PLEKHG1: variants seen among roughly 807,000 people sequenced by gnomAD.
PLEKHG1 encodes the protein pleckstrin homology domain-containing family G member 1.
PLEKHG1 carries 44 observed loss-of-function variants against 100.8 expected under a neutral mutation model. The observed-to-expected ratio is 0.44, with a 90% CI of 0.34 to 0.56. The LOEUF is 0.56. Among genes scored for constraint, PLEKHG1 ranks in the 20% least tolerant of loss-of-function variants. The pLI, the probability that PLEKHG1 is intolerant of heterozygous loss-of-function variation, is 0.01. For synonymous variants in PLEKHG1, 640 were observed against 662.5 expected, an observed-to-expected ratio of 0.97 and a Z score of 0.52; for missense variants, 1,545 against 1,720.9, an observed-to-expected ratio of 0.90 and a Z score of 1.81.
chr6:150,809,182 C>T (rs1235083310), exon 8 of PLEKHG1: 2 of 1,613,468 alleles, frequency 1.2e-6, no homozygotes, highest in South Asian at 1.1e-5. Flanking sequence ...AGGGAACCTT[C>T]CGCATCCAGC....
At chr6:150,817,827 G>C (rs1274959330) in intron 10 of PLEKHG1, among the ~76,000 whole-genome samples, 1 of 152,074 alleles carries the variant, frequency 6.6e-6, no homozygotes, top group Non-Finnish European at 1.5e-5. Context: ...CTCCCAAAGT[G>C]CTGGGATTAC....
chr6:150,779,732 C>T (rs1350615906), intron 3 of PLEKHG1, among the ~76,000 whole-genome samples: 4 of 151,524 alleles, frequency 2.6e-5, no homozygotes, highest in Non-Finnish European at 4.4e-5. Flanking sequence ...TTTGGGAGGC[C>T]GAGGCTGGCA....
intron 2 of PLEKHG1, among the ~76,000 whole-genome samples, chr6:150,642,894 A>G (rs924795562): frequency 2.0e-5 from 3 of 152,256 alleles, no homozygotes; most frequent in African/African-American, 7.2e-5. Context: ...CCCAGTGCCT[A>G]TAACAGCACC....
At chr6:150,638,637 C>A (rs1464187702) in intron 2 of PLEKHG1, among the ~76,000 whole-genome samples, 1 of 152,116 alleles carries the variant, frequency 6.6e-6, no homozygotes, top group African/African-American at 2.4e-5. Flanking sequence ...GGTAGAAGCC[C>A]CCTTGCCAGG....
At chr6:150,704,975 CT>C (rs1213332400) in intron 3 of PLEKHG1, among the ~76,000 whole-genome samples, 1 of 152,216 alleles carries the variant, frequency 6.6e-6, no homozygotes, top group African/African-American at 2.4e-5. Flanking sequence ...GAGCCCCACC[CT>C]TATGACCTCA....
intron 1 of PLEKHG1, among the ~76,000 whole-genome samples, chr6:150,634,270 A>C (rs545151596): frequency 6.7e-6 from 1 of 149,728 alleles, no homozygotes; most frequent in Non-Finnish European, 1.5e-5. Flanking sequence ...AAAGAAAAAA[A>C]GAGGAAGAAG....
rs936073878 is a variant in PLEKHG1 at position 150,633,417 on chromosome 6, T to C, written c.-203-4663T>C. ...CTGATTCCAGGCAGCTCAGTATTGCTGGCCTGTGCATCCTGAGACTTATCC... is the reference window on the plus strand; with the variant it reads ...CTGATTCCAGGCAGCTCAGTATTGCCGGCCTGTGCATCCTGAGACTTATCC... On this transcript the variant is annotated intron_variant, in intron 1 of 3. Coordinates refer to the PLEKHG1 transcript ENST00000367326. 5.9e-5 allele frequency: 9 copies of C among 152,866 alleles called. No homozygotes were observed. In the South Asian group the frequency reaches 1.4e-3, roughly 25 times the overall value. The allele number at this position is 152,866 out of a possible 1,614,324, so 9.5% of individuals were successfully genotyped here.
At chr6:150,707,129 C>G (rs149211633) in intron 3 of PLEKHG1, among the ~76,000 whole-genome samples, 5 of 151,146 alleles carry the variant, frequency 3.3e-5, no homozygotes, top group Middle Eastern at 3.4e-3. Context: ...CTCAACCTCC[C>G]GAGTAGCTGG....
At chr6:150,664,734 A>G (rs1779331435) in intron 3 of PLEKHG1, among the ~76,000 whole-genome samples, 1 of 152,110 alleles carries the variant, frequency 6.6e-6, no homozygotes, top group Non-Finnish European at 1.5e-5. Context: ...TGACACCGCC[A>G]TCTAGAATCA....
At chr6:150,673,190 C>T (rs1779634187) in intron 3 of PLEKHG1, among the ~76,000 whole-genome samples, 2 of 152,246 alleles carry the variant, frequency 1.3e-5, no homozygotes, top group South Asian at 4.1e-4. Flanking sequence ...CTTTAGCATC[C>T]TCTCTAAAAG....
intron 3 of PLEKHG1, among the ~76,000 whole-genome samples, chr6:150,661,128 G>A (rs1228537636): frequency 3.9e-5 from 6 of 152,166 alleles, no homozygotes; most frequent in Admixed American, 2.0e-4. Flanking sequence ...ATTTGAATGT[G>A]TTGCTTTGGG....
At chr6:150,674,386 C>T (rs1190064663) in intron 3 of PLEKHG1, among the ~76,000 whole-genome samples, 2 of 152,138 alleles carry the variant, frequency 1.3e-5, no homozygotes, top group African/African-American at 2.4e-5. Context: ...CTCTTTTACT[C>T]TACTGTTAAT....
At chr6:150,673,026 T>A (rs1278454917) in intron 3 of PLEKHG1, among the ~76,000 whole-genome samples, 1 of 152,238 alleles carries the variant, frequency 6.6e-6, no homozygotes, top group Non-Finnish European at 1.5e-5. Flanking sequence ...AACAAACACC[T>A]ACTTCAAACA....
intron 3 of PLEKHG1, chr6:150,664,195 C>G (rs1405203896): frequency 1.3e-5 from 2 of 152,162 alleles, no homozygotes; most frequent in African/African-American, 4.8e-5. Context: ...TAAGAGGTTC[C>G]CTTGTCCATG....
At chr6:150,688,397 C>T (rs9885836) in intron 3 of PLEKHG1, among the ~76,000 whole-genome samples, 44,802 of 151,708 alleles carry the variant, frequency 0.3, 8,192 homozygotes, top group African/African-American at 0.52. Context: ...CTTGGCTCAC[C>T]GCAACCTCCG....
chr6:150,755,558 C>T (rs1183792144), intron 2 of PLEKHG1, among the ~76,000 whole-genome samples: 2 of 152,196 alleles, frequency 1.3e-5, no homozygotes, highest in African/African-American at 4.8e-5. Context: ...AACACCTGCA[C>T]ATGTGTGCTG....
chr6:150,800,694 A>AT, intron 5 of PLEKHG1, 25 bp from the exon 7 acceptor site: 1 of 1,606,686 alleles, frequency 6.2e-7, no homozygotes. Flanking sequence ...TACAATTTAG[A>AT]TAAAAACATG....
chr6:150,786,523 A>C, intron 4 of PLEKHG1, 64 bp downstream of exon 5: 10 of 1,084,324 alleles, frequency 9.2e-6, no homozygotes, highest in Non-Finnish European at 1.4e-5. Context: ...TTTTCATTTT[A>C]AAGTTAAAAT....
chr6:150,841,221 T>C (rs1777519761), exon 16 of PLEKHG1: 1 of 392,344 alleles, frequency 2.5e-6, no homozygotes, highest in South Asian at 2.5e-5. Flanking sequence ...AGAAATGCAA[T>C]AATCCTTTCC....
Sources: allele counts gnomAD v4.1 joint callset (sites outside exome capture counted in the v4.1 genomes callset), GRCh38; gene constraint gnomAD v4.1.1; transcripts MANE v1.5; gene names NCBI Gene and HGNC (gene_info 2026-07-23, HGNC 2026-07-21).